EXTL3: variants seen among roughly 807,000 people sequenced by gnomAD.
EXTL3 encodes the protein exostosin like glycosyltransferase 3.
Under a neutral mutation model 69.3 loss-of-function variants are expected in EXTL3, and 27 were observed. The observed-to-expected ratio is 0.39, with a 90% CI of 0.29 to 0.54. The LOEUF (loss-of-function observed/expected upper bound fraction) is 0.54. EXTL3 is among the 20% of genes least tolerant of loss of function. The pLI, the probability that EXTL3 is intolerant of heterozygous loss-of-function variation, is 0.69. For synonymous variants in EXTL3, 511 were observed against 499.4 expected (o/e 1.02, Z -0.31); for missense variants, 1,003 against 1,231.8 (o/e 0.81, Z 2.78).
intron 1 of EXTL3, among the ~76,000 whole-genome samples, chr8:28,656,211 C>T (rs929214007): frequency 2.0e-5 from 3 of 151,702 alleles, no homozygotes; most frequent in Non-Finnish European, 2.9e-5. Context: ...CTCCCGTCAT[C>T]CAGTCTGGGG....
chr8:28,643,446 G>A (rs145790102), intron 1 of EXTL3, among the ~76,000 whole-genome samples: 7,347 of 128,658 alleles, frequency 0.057, 565 homozygotes, highest in African/African-American at 0.18. Context: ...ACAGAGTCTC[G>A]CTCTTTCGCC....
chr8:28,626,105 G>A (rs1161841310), intron 1 of EXTL3, among the ~76,000 whole-genome samples: 1 of 148,470 alleles, frequency 6.7e-6, no homozygotes, highest in African/African-American at 2.4e-5. Flanking sequence ...CCAGGAGGTG[G>A]AGGTTACAGT....
At position 28,687,928 on chromosome 8, in the gene EXTL3, G is replaced by A. The variant is rs562968927; in HGVS notation, c.-52-25529G>A. Among the ~76,000 whole-genome samples, 5 of 152,142 alleles carry A rather than the reference G, an allele frequency of 3.3e-5. No homozygotes were observed. The East Asian group carries it at 9.7e-4, about 29-fold the overall frequency. On this transcript the variant is annotated intron_variant, in intron 1 of 6. Coordinates refer to the EXTL3 transcript ENST00000523149. Reference sequence around the variant, plus strand: ...TTGCTGGTTCTTTTTTTCATTTTGTGTTTTCATTTGTTTTTTCTATAACCT... The same window carrying A: ...TTGCTGGTTCTTTTTTTCATTTTGTATTTTCATTTGTTTTTTCTATAACCT...
chr8:28,683,804 C>T (rs1028678360), intron 1 of EXTL3, among the ~76,000 whole-genome samples: 7 of 151,104 alleles, frequency 4.6e-5, no homozygotes, highest in African/African-American at 1.5e-4. Context: ...TGTGAGACTC[C>T]GTCTCAAAAA....
At chr8:28,731,927 C>T (rs1488718811) in intron 4 of EXTL3, among the ~76,000 whole-genome samples, 1 of 152,186 alleles carries the variant, frequency 6.6e-6, no homozygotes, top group Non-Finnish European at 1.5e-5. Flanking sequence ...TGAACCCGTA[C>T]TGTGTGCCAG....
chr8:28,644,629 T>C (rs1160447322), intron 1 of EXTL3, among the ~76,000 whole-genome samples: 2 of 152,026 alleles, frequency 1.3e-5, no homozygotes, highest in Admixed American at 1.3e-4. Flanking sequence ...AGCCCAGGAG[T>C]GCAAGGCTGC....
upstream of EXTL3, among the ~76,000 whole-genome samples, chr8:28,618,205 C>G (rs184702824): frequency 3.9e-5 from 6 of 152,170 alleles, no homozygotes; most frequent in Non-Finnish European, 8.8e-5. Context: ...GTGGCTCACA[C>G]CTGTAATCCC....
At chr8:28,654,730 T>G (rs1585233609) in intron 1 of EXTL3, among the ~76,000 whole-genome samples, 1 of 152,300 alleles carries the variant, frequency 6.6e-6, no homozygotes, top group East Asian at 1.9e-4. Flanking sequence ...AACAAACACT[T>G]TAGATGTTTG....
chr8:28,633,280 G>A (rs1375935911), intron 1 of EXTL3, among the ~76,000 whole-genome samples: 1 of 152,122 alleles, frequency 6.6e-6, no homozygotes, highest in East Asian at 1.9e-4. Flanking sequence ...TGAGGCTGCA[G>A]TGAGCCATGA....
chr8:28,756,552 G>A (rs1031323260), downstream of EXTL3, among the ~76,000 whole-genome samples: 1 of 152,170 alleles, frequency 6.6e-6, no homozygotes, highest in Non-Finnish European at 1.5e-5. Context: ...TAAAGTTTCC[G>A]TGAACATTCA....
At position 28,717,594 on chromosome 8, in the gene EXTL3, G is replaced by C. The variant is rs761951214; in HGVS notation, c.1535G>C (p.Gly512Ala). 38 of 1,614,240 alleles carry C rather than the reference G, an allele frequency of 2.4e-5. No individual in the cohort carries two copies. The highest frequency in any genetic ancestry group is 3.2e-5 in the Non-Finnish European group (38 of 1,180,046). Residue 512 changes from glycine to alanine, a missense_variant, in exon 3 of 7, where the codon GGC becomes GCC. Coordinates refer to ENST00000220562, the MANE Select transcript of EXTL3 (RefSeq NM_001440.4). The surrounding 1 kb of genome is among the most constrained non-coding windows in gnomAD (Gnocchi z 8.3). ...DSDLLAMRRQ[G>A]RFLWETYFST... ...GACCTCCTGGCTATGAGGCGGCAAG[G>C]CCGCTTTCTCTGGGAGACTTACTTC...
chr8:28,645,598 A>C (rs1165583118), intron 1 of EXTL3, among the ~76,000 whole-genome samples: 1 of 152,148 alleles, frequency 6.6e-6, no homozygotes, highest in East Asian at 1.9e-4. Flanking sequence ...TTTTTTGCTT[A>C]TCTGTGTTTT....
upstream of EXTL3, chr8:28,700,205 T>C (rs766070595): frequency 6.6e-6 from 1 of 152,110 alleles, no homozygotes; most frequent in African/African-American, 2.4e-5. Context: ...GCGGTAAGAC[T>C]TGGAAAGCAT....
intron 1 of EXTL3, among the ~76,000 whole-genome samples, chr8:28,669,890 G>A (rs1323812481): frequency 6.6e-6 from 1 of 152,098 alleles, no homozygotes; most frequent in Non-Finnish European, 1.5e-5. Flanking sequence ...CCTGTACTGA[G>A]ATGCCAGGTT....
chr8:28,709,280 A>C (rs1260436766), intron 1 of EXTL3, among the ~76,000 whole-genome samples: 1 of 152,208 alleles, frequency 6.6e-6, no homozygotes, highest in Non-Finnish European at 1.5e-5. Flanking sequence ...TGAGGAATAT[A>C]TGGTAATAGG....
At chr8:28,666,683 C>A (rs1189433073) in intron 1 of EXTL3, among the ~76,000 whole-genome samples, 1 of 152,186 alleles carries the variant, frequency 6.6e-6, no homozygotes, top group Non-Finnish European at 1.5e-5. Context: ...TCAAGTGATT[C>A]TTGTGCCTCA....
At chr8:28,643,279 T>C (rs1298569849) in intron 1 of EXTL3, among the ~76,000 whole-genome samples, 1 of 152,088 alleles carries the variant, frequency 6.6e-6, no homozygotes, top group Admixed American at 6.6e-5. Flanking sequence ...GTGAATCCTG[T>C]GTACTCATCA....
intron 1 of EXTL3, among the ~76,000 whole-genome samples, chr8:28,708,426 CTTTTTTTTTTT>C (rs71549693): frequency 2.5e-5 from 3 of 118,750 alleles, no homozygotes; most frequent in Non-Finnish European, 5.3e-5. Flanking sequence ...TGGGAAGTGC[CTTTTTTTTTTT>C]TTTTTTTTTA....
At chr8:28,724,437 C>T (rs1318296877) in intron 3 of EXTL3, among the ~76,000 whole-genome samples, 1 of 151,914 alleles carries the variant, frequency 6.6e-6, no homozygotes, top group Non-Finnish European at 1.5e-5. Context: ...TGCTTTCTGC[C>T]CCATCACTTG....
Sources: gnomAD v4.1 joint callset for allele counts (sites outside exome capture counted in the v4.1 genomes callset) on GRCh38, gnomAD v4.1.1 for gene constraint, Gnocchi (gnomAD v3.1) non-coding constraint, MANE v1.5 for transcripts, NCBI Gene and HGNC (gene_info 2026-07-23, HGNC 2026-07-21) for gene names.